TMEM275: variants seen among roughly 807,000 people sequenced by gnomAD.
TMEM275 encodes transmembrane protein 275.
Position 46,533,448 on chromosome 1 carries a change from G to A in TMEM275, c.80C>T (p.Pro27Leu), listed in dbSNP as rs531167726. The change falls in exon 2 of 2, where the codon CCG (proline) becomes CTG (leucine). Residue 27 changes from proline to leucine, a missense_variant. By Grantham distance (98) the Pro-to-Leu change is moderately conservative (BLOSUM62 -3). Transcript: ENST00000634804. This position sits in a 1 kb window ranked among gnomAD's most constrained non-coding sequence, Gnocchi z 4.4. ...GCAGGCGCAGCACAGCGCCGGCGAC[G>A]GCAGGCCGGGCACCCGGCCCCGGGC... The A allele has an allele frequency of 2.6e-6, 1 of 383,882 alleles. No homozygotes were observed. The highest frequency in any genetic ancestry group is 3.7e-5 in the East Asian group (1 of 26,834). The allele number at this position is 383,882 out of a possible 1,614,324, so 23.8% of individuals were successfully genotyped here.
exon 2 of TMEM275, chr1:46,532,556 C>G (rs554010929): frequency 6.5e-6 from 1 of 154,728 alleles, no homozygotes; most frequent in Admixed American, 6.5e-5. Flanking sequence ...TTCAACCCTT[C>G]TCCCTCTCTT....
At position 46,535,415 on chromosome 1, in the gene TMEM275, CAT is replaced by C. The variant is rs1666725576; in HGVS notation, c.-123-1767_-123-1766del. Reference sequence around the variant, plus strand: ...GAAAGCACATGTTGACCCTTGAGGGCATCTACAGACCACAGATTCCTGAGGAA... The same window carrying C: ...GAAAGCACATGTTGACCCTTGAGGGCCTACAGACCACAGATTCCTGAGGAA... On this transcript the variant is annotated intron_variant, in intron 1 of 1. The change abolishes an upstream ATG in the 5' untranslated region. Coordinates refer to ENST00000634804, the Ensembl canonical transcript of TMEM275. Among the ~76,000 whole-genome samples, 2 of 87,104 alleles carry C rather than the reference CAT, an allele frequency of 2.3e-5. No individual in the cohort carries two copies. Among genetic ancestry groups the C allele is most frequent in the African/African-American group, 1.2e-4 (2 of 17,294 alleles). The allele number at this position is 87,104 out of a possible 152,430, so 57.1% of individuals were successfully genotyped here.
At position 46,534,011 on chromosome 1, in the gene TMEM275, A is replaced by C. The variant is rs997326495; in HGVS notation, c.-123-361T>G. ...GTCCAGTTCAGCTTAGGTGCTCATCACATGATAATCATCGTCTTCAGTAGT... is the reference window on the plus strand; with the variant it reads ...GTCCAGTTCAGCTTAGGTGCTCATCCCATGATAATCATCGTCTTCAGTAGT... On this transcript the variant is annotated intron_variant, in intron 1 of 1. It removes the in-frame stop codon of an upstream open reading frame in the 5' UTR. Coordinates refer to ENST00000634804, the Ensembl canonical transcript of TMEM275. 6.6e-6 allele frequency among the ~76,000 whole-genome samples: 1 copy of C among 152,164 alleles called. No homozygotes were observed. The highest frequency in any genetic ancestry group is 2.4e-5 in the African/African-American group (1 of 41,416).
Position 46,533,598 on chromosome 1 carries a change from G to A in TMEM275, c.-71C>T. 5.3e-6 allele frequency: 2 copies of A among 376,046 alleles called. No individual in the cohort carries two copies. Among genetic ancestry groups the A allele is most frequent in the Middle Eastern group, 1.4e-3 (2 of 1,476 alleles). 23.3% of individuals were successfully genotyped at this position (376,046 alleles called of 1,614,324 possible). A position where few individuals can be genotyped will look rare whatever the true frequency, so the allele number is the denominator to read the frequency against. On this transcript the variant is annotated 5_prime_UTR_variant, in exon 2 of 2. Transcript: ENST00000634804. The surrounding 1 kb of genome is among the most constrained non-coding windows in gnomAD (Gnocchi z 4.4). The stretch of plus-strand genomic sequence containing the variant: ...GCCCGGAACAGCCCAACTGCCAGGA[G>A]CCTCCTCACGCTGGTCCTGTGGGCA...
rs1211341512 is a variant in TMEM275, at chr1:46,532,796, C to A, written c.*198G>T. 16 of 376,754 alleles carry A rather than the reference C, an allele frequency of 4.2e-5. No individual in the cohort carries two copies. In the East Asian group the frequency reaches 6.1e-4, roughly 14 times the overall value. 23.3% of individuals were successfully genotyped at this position (376,754 alleles called of 1,614,324 possible). On this transcript the variant is annotated 3_prime_UTR_variant, in exon 2 of 2. Transcript: ENST00000634804. Reference sequence around the variant, plus strand: ...GGGGTGTGACCCCTGACACCATCACCACATTCTACCCAGGAGTTTGGGAGA... The same window carrying A: ...GGGGTGTGACCCCTGACACCATCACAACATTCTACCCAGGAGTTTGGGAGA...
Position 46,533,193 on chromosome 1 carries a change from A to T in TMEM275, c.335T>A (p.Leu112Gln), listed in dbSNP as rs940605316. The T allele has an allele frequency of 8.1e-6, 3 of 371,950 alleles. No individual in the cohort carries two copies. Among genetic ancestry groups the T allele is most frequent in the Non-Finnish European group, 1.4e-5 (3 of 210,376 alleles). 23.0% of individuals were successfully genotyped at this position (371,950 alleles called of 1,614,324 possible). A position where few individuals can be genotyped will look rare whatever the true frequency, so the allele number is the denominator to read the frequency against. The change falls in exon 2 of 2, where the codon CTG becomes CAG. Residue 112 changes from leucine to glutamine, a missense_variant. By Grantham distance (113) the Leu-to-Gln change is moderately radical. Transcript: ENST00000634804. This position sits in a 1 kb window ranked among gnomAD's most constrained non-coding sequence, Gnocchi z 4.4. Reference sequence around the variant, plus strand: ...CGTGGGCTCGCTGCTCTCCATCTCCAGCGCCACGGGCCCGGCGCGGCCGCC... The same window carrying T: ...CGTGGGCTCGCTGCTCTCCATCTCCTGCGCCACGGGCCCGGCGCGGCCGCC...
intron 1 of TMEM275, among the ~76,000 whole-genome samples, 35 bp from the exon 2 acceptor site, chr1:46,534,618 TAG>T (rs1488091871): frequency 1.3e-5 from 2 of 152,182 alleles, no homozygotes; most frequent in East Asian, 3.8e-4. Flanking sequence ...GTAATAAAAT[TAG>T]AGTCTAGGGA....
chr1:46,532,783 CT>C (rs1248894340), exon 2 of TMEM275: 4 of 372,034 alleles, frequency 1.1e-5, no homozygotes, highest in Admixed American at 9.2e-5. Flanking sequence ...GGTGTGACCC[CT>C]GACACCATCA....
chr1:46,535,407 CTTGAGGGCAT>C lies in TMEM275; in HGVS notation c.-123-1767_-123-1758del, dbSNP rs57304228. Among the ~76,000 whole-genome samples, 37,549 of 151,970 alleles carry C rather than the reference CTTGAGGGCAT, an allele frequency of 0.25. 5,117 individuals carry two copies. The highest frequency in any genetic ancestry group is 0.35 in the African/African-American group (14,623 of 41,382). The stretch of plus-strand genomic sequence containing the variant: ...TTAGCAAAGAAAGCACATGTTGACC[CTTGAGGGCAT>C]CTACAGACCACAGATTCCTGAGGAA... On this transcript the variant is annotated intron_variant, in intron 1 of 1. An upstream start codon of the reference 5' UTR is lost. Coordinates refer to ENST00000634804, the Ensembl canonical transcript of TMEM275.
In TMEM275 at chr1:46,533,397, ACG is replaced by A. The variant is rs1666696220; in HGVS notation, c.129_130del (p.Val44GlufsTer40). 1 of 378,016 alleles carries A rather than the reference ACG, an allele frequency of 2.6e-6. No homozygotes were observed. The highest frequency in any genetic ancestry group is 4.7e-6 in the Non-Finnish European group (1 of 212,888). The allele number at this position is 378,016 out of a possible 1,614,324, so 23.4% of individuals were successfully genotyped here. On this transcript the variant is annotated frameshift_variant, in exon 2 of 2. Transcript: ENST00000634804. LOFTEE classifies it low-confidence loss of function (END_TRUNC). The surrounding 1 kb of genome is among the most constrained non-coding windows in gnomAD (Gnocchi z 4.4). ...GAAGGCGCCTGCCAGCGTCACGTTC[ACG>A]CCCGCCAGCAGCGCGCACAGACCGC...
In TMEM275 at chr1:46,534,447, A is replaced by C. The variant is rs1360306466; in HGVS notation, c.-123-797T>G. On this transcript the variant is annotated intron_variant, in intron 1 of 1. Coordinates refer to ENST00000634804, the Ensembl canonical transcript of TMEM275. ...TAGACTGGGCATTCTATTAAATTCC[A>C]ATCCTACCTCCATTCCACTCCCCAT... 6.6e-6 allele frequency among the ~76,000 whole-genome samples: 1 copy of C among 152,086 alleles called. No homozygotes were observed. The highest frequency in any genetic ancestry group is 1.9e-4 in the East Asian group (1 of 5,198).
exon 2 of TMEM275, chr1:46,532,924 C>T (rs1666684756): frequency 5.1e-6 from 2 of 392,918 alleles, no homozygotes; most frequent in Admixed American, 4.4e-5. Flanking sequence ...TCTTTCTTTT[C>T]CCCCCTTAAA....
Position 46,533,103 on chromosome 1 carries a change from C to A in TMEM275, c.425G>T (p.Ser142Ile). 1 of 392,186 alleles carries A rather than the reference C, an allele frequency of 2.5e-6. No homozygotes were observed. Among genetic ancestry groups the A allele is most frequent in the Non-Finnish European group, 4.5e-6 (1 of 222,150 alleles). The allele number at this position is 392,186 out of a possible 1,614,324, so 24.3% of individuals were successfully genotyped here. Reference sequence around the variant, plus strand: ...CAGGGCGAGGGGGCTGGGGCCGGGGCTGGAGCAGCCGGAGGACGCGGCGGA... The same window carrying A: ...CAGGGCGAGGGGGCTGGGGCCGGGGATGGAGCAGCCGGAGGACGCGGCGGA... The change falls in exon 2 of 2, where the codon AGC (serine) becomes ATC (isoleucine). Residue 142 changes from serine to isoleucine, a missense_variant. Ser to Ile is a moderately radical substitution (Grantham distance 142). Transcript: ENST00000634804. The surrounding 1 kb of genome is among the most constrained non-coding windows in gnomAD (Gnocchi z 4.4).
At chr1:46,534,383 GCTTGGGCTGGAGCAGATCTAAA>G (rs879908721) in intron 1 of TMEM275, among the ~76,000 whole-genome samples, 50 bp downstream of exon 2, 15 of 152,168 alleles carry the variant, frequency 9.9e-5, no homozygotes, top group Non-Finnish European at 2.1e-4. Flanking sequence ...ACATCGGCTG[GCTTGGGCTGGAGCAGATCTAAA>G]GCACCAGGGC....
In TMEM275 at chr1:46,533,283, A is replaced by C. The variant is rs1666693683; in HGVS notation, c.245T>G (p.Val82Gly). The stretch of plus-strand genomic sequence containing the variant: ...GGGCGCGAGGCCCCGGCGGCTACAC[A>C]CGCAGCAGGCCGCGAAGAAGCCGAG... Residue 82 changes from valine to glycine, a missense_variant, in exon 2 of 2, where the codon GTG becomes GGG. Coordinates refer to ENST00000634804, the Ensembl canonical transcript of TMEM275. The surrounding 1 kb of genome is among the most constrained non-coding windows in gnomAD (Gnocchi z 4.4). 2.8e-6 allele frequency: 1 copy of C among 356,868 alleles called. No individual in the cohort carries two copies. 22.1% of individuals were successfully genotyped at this position (356,868 alleles called of 1,614,324 possible).
chr1:46,532,824 G>C (rs1268739216), exon 2 of TMEM275: 2 of 382,040 alleles, frequency 5.2e-6, no homozygotes, highest in Non-Finnish European at 9.3e-6. Context: ...TTGGGAGATG[G>C]AAAAGATGAG....
chr1:46,534,370 C>T (rs1666711877), intron 1 of TMEM275, among the ~76,000 whole-genome samples, 85 bp downstream of exon 2: 1 of 152,128 alleles, frequency 6.6e-6, no homozygotes, highest in Non-Finnish European at 1.5e-5. Flanking sequence ...GGGCACAGTC[C>T]CCACATCGGC....
intron 1 of TMEM275, among the ~76,000 whole-genome samples, 26 bp downstream of exon 2, chr1:46,534,429 G>C (rs1364474284): frequency 6.6e-6 from 1 of 152,030 alleles, no homozygotes; most frequent in African/African-American, 2.4e-5. Flanking sequence ...TTCTAGACTG[G>C]GCATTCTATT....
At chr1:46,534,760 T>A (rs1666715673) in intron 1 of TMEM275, among the ~76,000 whole-genome samples, 177 bp from the exon 2 acceptor site, 1 of 151,978 alleles carries the variant, frequency 6.6e-6, no homozygotes, top group African/African-American at 2.4e-5. Context: ...CAGAAAAGGG[T>A]CCTGGATGGG....
Sources: gnomAD v4.1 joint callset for allele counts (sites outside exome capture counted in the v4.1 genomes callset) on GRCh38, gnomAD v4.1.1 for gene constraint, Gnocchi (gnomAD v3.1) non-coding constraint, MANE v1.5 for transcripts, NCBI Gene and HGNC (gene_info 2026-07-23, HGNC 2026-07-21) for gene names.